CHST9: variants seen among roughly 807,000 people sequenced by gnomAD.
The protein encoded by CHST9 is GalNAc-4-sulfotransferase 2.
A neutral mutation model predicts 44.4 loss-of-function variants in CHST9; 41 were observed. The ratio of observed to expected loss-of-function variants is 0.92; its 90% confidence interval spans 0.72 to 1.20. CHST9 has a LOEUF of 1.20. CHST9 is among the 50% of genes most tolerant of loss of function. CHST9 has a pLI of 0.00. For synonymous variants in CHST9, 171 were observed against 178.4 expected (o/e 0.96, Z 0.33); for missense variants, 504 against 516.5 (o/e 0.98, Z 0.23).
chr18:27,031,425 C>T (rs2057339374), intron 3 of CHST9, among the ~76,000 whole-genome samples: 1 of 152,088 alleles, frequency 6.6e-6, no homozygotes, highest in Non-Finnish European at 1.5e-5. Context: ...CTTCCAGCCA[C>T]CTTTTGATCC....
intron 1 of CHST9, among the ~76,000 whole-genome samples, chr18:27,152,080 A>T (rs181885639): frequency 2.6e-5 from 4 of 152,280 alleles, no homozygotes; most frequent in Non-Finnish European, 4.4e-5. Flanking sequence ...TAATAACTCA[A>T]CTGCTCACTG....
At chr18:26,949,412 G>T (rs1365791229) in intron 4 of CHST9, among the ~76,000 whole-genome samples, 1 of 152,004 alleles carries the variant, frequency 6.6e-6, no homozygotes, top group African/African-American at 2.4e-5. Flanking sequence ...GGGTGTGGTT[G>T]CATGTGCCTG....
chr18:26,915,083 G>T lies in CHST9; in HGVS notation c.*1176C>A. The T allele has an allele frequency of 2.5e-6, 1 of 396,634 alleles. No homozygotes were observed. Among genetic ancestry groups the T allele is most frequent in the South Asian group, 1.3e-4 (1 of 7,678 alleles). The allele number at this position is 396,634 out of a possible 1,614,324, so 24.6% of individuals were successfully genotyped here. The stretch of plus-strand genomic sequence containing the variant: ...ATGGACCTATTTTTCTAAGGACTTT[G>T]ATTTAATATTTGAATGCAATGGTAT... On this transcript the variant is annotated 3_prime_UTR_variant, in exon 6 of 6. Coordinates refer to ENST00000618847, the MANE Select transcript of CHST9 (RefSeq NM_031422.6).
intron 2 of CHST9, among the ~76,000 whole-genome samples, chr18:27,059,639 G>A (rs1365991122): frequency 6.6e-6 from 1 of 152,156 alleles, no homozygotes; most frequent in African/African-American, 2.4e-5. Flanking sequence ...TCATCTGGGG[G>A]AAACAAGGAC....
At chr18:27,064,470 A>C (rs2057759989) in intron 2 of CHST9, among the ~76,000 whole-genome samples, 1 of 152,208 alleles carries the variant, frequency 6.6e-6, no homozygotes, top group Non-Finnish European at 1.5e-5. Flanking sequence ...CTATAAGCAA[A>C]AATGGCAAGG....
intron 2 of CHST9, among the ~76,000 whole-genome samples, chr18:27,090,614 A>G (rs992787011): frequency 4.0e-5 from 6 of 150,866 alleles, no homozygotes; most frequent in Non-Finnish European, 8.9e-5. Flanking sequence ...ATCTTGAAAT[A>G]ATTTTTTGTA....
intron 4 of CHST9, among the ~76,000 whole-genome samples, chr18:27,020,877 G>A (rs720282): frequency 0.65 from 98,240 of 151,972 alleles, 32,195 homozygotes; most frequent in African/African-American, 0.74. Context: ...TTAAGAGGAC[G>A]CTGAACATTT....
chr18:27,013,426 G>C (rs1260580954), intron 4 of CHST9, among the ~76,000 whole-genome samples: 1 of 151,958 alleles, frequency 6.6e-6, no homozygotes, highest in Non-Finnish European at 1.5e-5. Context: ...TGATCATTTG[G>C]CATGAAAAAA....
chr18:27,178,480 T>C (rs2058885728), intron 1 of CHST9, among the ~76,000 whole-genome samples: 1 of 152,022 alleles, frequency 6.6e-6, no homozygotes, highest in Non-Finnish European at 1.5e-5. Flanking sequence ...TTACATTTCA[T>C]ATTAACTCTT....
rs1555675551 is a variant in CHST9 at position 27,000,622 on chromosome 18, G to GTCTATCTACCTACCTATCTA, written c.202+23493_202+23494insTAGATAGGTAGGTAGATAGA. On this transcript the variant is annotated intron_variant, in intron 4 of 5. Transcript: ENST00000618847. ...TTTCTCTCCATCATTTATTTGTTTT[G>GTCTATCTACCTACCTATCTA]TCTATCTATCTATCTATCTATCTAT... Among the ~76,000 whole-genome samples, 868 of 147,606 alleles carry GTCTATCTACCTACCTATCTA rather than the reference G, an allele frequency of 5.9e-3. 8 individuals are homozygous for GTCTATCTACCTACCTATCTA. The highest frequency in any genetic ancestry group is 0.021 in the African/African-American group (836 of 40,470).
At chr18:27,054,544 T>G (rs777174357) in intron 2 of CHST9, among the ~76,000 whole-genome samples, 14 of 152,206 alleles carry the variant, frequency 9.2e-5, no homozygotes, top group Non-Finnish European at 1.8e-4. Context: ...CTATGTAAAC[T>G]GAGTCTCAAT....
intron 3 of CHST9, among the ~76,000 whole-genome samples, chr18:27,036,730 C>CA (rs2057393942): frequency 6.6e-6 from 1 of 152,130 alleles, no homozygotes; most frequent in Admixed American, 6.5e-5. Flanking sequence ...CTTATACCTG[C>CA]AATGAGCCAA....
chr18:27,160,173 T>C (rs575021714), intron 1 of CHST9, among the ~76,000 whole-genome samples: 1 of 152,180 alleles, frequency 6.6e-6, no homozygotes, highest in Admixed American at 6.5e-5. Context: ...AGAGAGGGCA[T>C]CCCTGTCTTG....
chr18:26,985,861 A>G (rs1411286108), intron 4 of CHST9, among the ~76,000 whole-genome samples: 4 of 152,192 alleles, frequency 2.6e-5, no homozygotes, highest in Non-Finnish European at 5.9e-5. Flanking sequence ...AGATGCAAAA[A>G]TCTTCCCAAT....
intron 4 of CHST9, among the ~76,000 whole-genome samples, chr18:27,011,098 A>G (rs1461749616): frequency 3.3e-5 from 5 of 152,208 alleles, no homozygotes; most frequent in African/African-American, 1.2e-4. Context: ...GAGGACTTGA[A>G]GCCACAGGAA....
intron 3 of CHST9, among the ~76,000 whole-genome samples, chr18:27,038,123 C>T (rs367878078): frequency 6.6e-6 from 1 of 152,110 alleles, no homozygotes; most frequent in Non-Finnish European, 1.5e-5. Context: ...TTTATTCTCT[C>T]TCTTATGAAA....
intron 2 of CHST9, among the ~76,000 whole-genome samples, chr18:27,137,250 T>C (rs991687913): frequency 6.6e-6 from 1 of 151,174 alleles, no homozygotes; most frequent in Non-Finnish European, 1.5e-5. Context: ...CATAATTGAT[T>C]ATATTGATTT....
intron 2 of CHST9, among the ~76,000 whole-genome samples, chr18:27,129,203 T>A (rs918887734): frequency 1.3e-4 from 20 of 152,242 alleles, no homozygotes; most frequent in Admixed American, 6.5e-5. Flanking sequence ...TAGGGAAAAA[T>A]AACAGACAGA....
chr18:27,166,918 A>G (rs1287219939), intron 1 of CHST9, among the ~76,000 whole-genome samples: 1 of 152,236 alleles, frequency 6.6e-6, no homozygotes, highest in Non-Finnish European at 1.5e-5. Flanking sequence ...ACTGAATTAG[A>G]CAAAGAGTAG....
Sources: gnomAD v4.1 joint callset for allele counts (sites outside exome capture counted in the v4.1 genomes callset) on GRCh38, gnomAD v4.1.1 for gene constraint, MANE v1.5 for transcripts, NCBI Gene and HGNC (gene_info 2026-07-23, HGNC 2026-07-21) for gene names.